ACAT1: variants seen among roughly 807,000 people sequenced by gnomAD.
ACAT1 encodes the protein acetyl-CoA acetyltransferase 1, also known as acetyl-CoA acetyltransferase, mitochondrial.
A neutral mutation model predicts 47.3 loss-of-function variants in ACAT1; 28 were observed. That is an observed-to-expected ratio of 0.59 (90% CI 0.44 to 0.81). The LOEUF (loss-of-function observed/expected upper bound fraction) is 0.81, where lower values mean the gene tolerates loss of function less well. Among genes scored for constraint, ACAT1 ranks in the 30% least tolerant of loss-of-function variants. The pLI is 0.00. For missense variants in ACAT1, 469 were observed against 524.3 expected (o/e 0.89, Z 1.03); for synonymous variants, 181 against 173.6 (o/e 1.04, Z -0.34).
intron 1 of ACAT1, chr11:108,121,977 C>T (rs991001343): frequency 1.4e-4 from 73 of 505,354 alleles, no homozygotes; most frequent in African/African-American, 1.3e-3. Flanking sequence ...CCAGGATTGG[C>T]GCTGGCCCGG....
intron 11 of ACAT1, 111 bp from the exon 12 acceptor site, chr11:108,147,159 C>A: frequency 3.1e-6 from 4 of 1,276,698 alleles, no homozygotes; most frequent in South Asian, 1.3e-5. Flanking sequence ...GTTAATTCAG[C>A]AAGTAGTAGT....
rs34681892 is a variant in ACAT1 at position 108,139,161 on chromosome 11, G to A, written c.579+120G>A. The A allele has an allele frequency of 1.7e-3, 2,201 of 1,326,558 alleles. 16 individuals carry two copies. Among genetic ancestry groups the A allele is most frequent in the African/African-American group, 0.015 (1,028 of 68,444 alleles). The allele number at this position is 1,326,558 out of a possible 1,614,324, so 82.2% of individuals were successfully genotyped here. ...GGCTCTATAAATGTTGATTTTAGCC[G>A]TGTACTTTTGGAGAATATTTTTGTA... is the stretch of plus-strand genomic sequence containing the variant. On this transcript the variant is annotated intron_variant, in intron 6 of 11. Transcript: ENST00000265838.
At chr11:108,136,022 C>T in intron 5 of ACAT1, 1 of 593,472 alleles carries the variant, frequency 1.7e-6, no homozygotes, top group Middle Eastern at 2.6e-4. Flanking sequence ...TTAAGTTCTA[C>T]AGGCTTTCTA....
intron 2 of ACAT1, among the ~76,000 whole-genome samples, chr11:108,132,872 A>G (rs1591361240): frequency 6.9e-6 from 1 of 145,734 alleles, no homozygotes. Context: ...AAAAAAAAAA[A>G]AAAAAAAAAG....
chr11:108,144,103 C>A (rs2077650244), intron 10 of ACAT1, 56 bp downstream of exon 10: 1 of 1,586,250 alleles, frequency 6.3e-7, no homozygotes, highest in African/African-American at 1.4e-5. Context: ...TTTGCTTATA[C>A]CAAGGTTGCA....
intron 1 of ACAT1, among the ~76,000 whole-genome samples, chr11:108,129,939 T>C (rs533738784): frequency 5.3e-5 from 8 of 152,266 alleles, no homozygotes; most frequent in Admixed American, 2.0e-4. Context: ...TTTTTATATA[T>C]GAAAATTTTC....
chr11:108,140,307 A>C (rs1827770927), intron 7 of ACAT1, 92 bp downstream of exon 7: 1 of 1,444,862 alleles, frequency 6.9e-7, no homozygotes, highest in Non-Finnish European at 9.7e-7. Flanking sequence ...ATCTTGGTTC[A>C]TTTCAACTGC....
At chr11:108,143,875 A>C in intron 9 of ACAT1, 108 bp from the exon 10 acceptor site, 1 of 1,224,014 alleles carries the variant, frequency 8.2e-7, no homozygotes, top group Non-Finnish European at 1.1e-6. Flanking sequence ...TACATATATT[A>C]AAGGGGCTAG....
At chr11:108,118,681 T>C (rs2077105304), upstream of ACAT1, among the ~76,000 whole-genome samples, 1 of 152,208 alleles carries the variant, frequency 6.6e-6, no homozygotes, top group African/African-American at 2.4e-5. Flanking sequence ...AGTCCTAGAT[T>C]CTTAAATGAA....
intron 9 of ACAT1, 21 bp from the exon 10 acceptor site, chr11:108,143,962 C>A: frequency 8.3e-6 from 10 of 1,207,458 alleles, no homozygotes; most frequent in African/African-American, 1.6e-5. Context: ...TAACAACCCC[C>A]CCCCCCCTTT....
chr11:108,139,069 C>T (rs1477893627), intron 6 of ACAT1, 28 bp downstream of exon 6: 10 of 1,612,466 alleles, frequency 6.2e-6, no homozygotes, highest in Non-Finnish European at 7.6e-6. Flanking sequence ...TGGATAAATG[C>T]TATCTAATGT....
intron 10 of ACAT1, 138 bp downstream of exon 10, chr11:108,144,185 C>T: frequency 2.1e-6 from 2 of 942,018 alleles, no homozygotes; most frequent in Non-Finnish European, 3.3e-6. Context: ...CATGTCTTCT[C>T]CTGAAAAGAG....
rs1302325718 is a variant in ACAT1, at chr11:108,146,265, A to G, written c.1069A>G (p.Ser357Gly). The G allele has an allele frequency of 6.2e-7, 1 of 1,613,658 alleles. No individual in the cohort carries two copies. Among genetic ancestry groups the G allele is most frequent in the African/African-American group, 1.3e-5 (1 of 74,930 alleles). ...AATGTGGGAAGTAAATGAAGCCTTT[A>G]GTCTGGTTGTACTAGCAAACATTAA... The part of the protein sequence containing the change: ...IAMWEVNEAF[S>G]LVVLANIKML... Residue 357 changes from serine (S) to glycine (G), a missense_variant, in exon 11 of 12, where the codon AGT (serine) becomes GGT (glycine). Transcript: ENST00000265838.
intron 4 of ACAT1, 161 bp downstream of exon 4, chr11:108,134,477 T>C: frequency 1.9e-6 from 1 of 522,084 alleles, no homozygotes; most frequent in South Asian, 1.8e-5. Flanking sequence ...ACCCCGTCTC[T>C]ACTAAAAATA....
At chr11:108,136,151 T>C in intron 5 of ACAT1, 1 of 637,284 alleles carries the variant, frequency 1.6e-6, no homozygotes, top group Non-Finnish European at 2.8e-6. Flanking sequence ...GAATCAAGAT[T>C]CTCTCAGATC....
At chr11:108,134,624 T>G (rs1591362944) in intron 4 of ACAT1, among the ~76,000 whole-genome samples, 3 of 102,786 alleles carry the variant, frequency 2.9e-5, no homozygotes, top group African/African-American at 7.9e-5. Flanking sequence ...GGCGACAGAG[T>G]GAGATTCTGT....
rs549449492 is a variant in ACAT1 at position 108,146,915 on chromosome 11, A to T, written c.1164-355A>T. 5.7e-4 allele frequency among the ~76,000 whole-genome samples: 87 copies of T among 152,318 alleles called. No homozygotes were observed. In the South Asian group the frequency reaches 0.018, roughly 31 times the overall value. ...GCCAACATGGCGAAACCCTGTCTCT[A>T]CTAAAAATACGAAAATTAGCTGGGT... On this transcript the variant is annotated intron_variant, in intron 11 of 11. Coordinates refer to ENST00000265838, the MANE Select transcript of ACAT1 (RefSeq NM_000019.4).
chr11:108,118,661 C>T (rs980856020), upstream of ACAT1, among the ~76,000 whole-genome samples: 2 of 152,204 alleles, frequency 1.3e-5, no homozygotes, highest in Non-Finnish European at 2.9e-5. Flanking sequence ...TGAGCCACCG[C>T]GCCCGGCCAA....
At chr11:108,133,785 A>G (rs2077407168) in intron 2 of ACAT1, 35 bp from the exon 3 acceptor site, 1 of 1,529,190 alleles carries the variant, frequency 6.5e-7, no homozygotes, top group Non-Finnish European at 9.1e-7. Flanking sequence ...TTTGGGTAAA[A>G]TACCTATAAT....
Sources: allele counts gnomAD v4.1 joint callset (sites outside exome capture counted in the v4.1 genomes callset), GRCh38; gene constraint gnomAD v4.1.1; transcripts MANE v1.5; gene names NCBI Gene and HGNC (gene_info 2026-07-23, HGNC 2026-07-21).